HADHB: variants seen among roughly 807,000 people sequenced by gnomAD.
HADHB encodes trifunctional enzyme subunit beta, mitochondrial.
HADHB carries 50 observed loss-of-function variants against 61.9 expected under a neutral mutation model. The ratio of observed to expected loss-of-function variants is 0.81; its 90% confidence interval spans 0.64 to 1.02. HADHB has a LOEUF of 1.02. HADHB is among the 50% of genes least tolerant of loss of function. HADHB has a pLI of 0.00. For synonymous variants in HADHB, 191 were observed against 201.6 expected (o/e 0.95, Z 0.45); for missense variants, 504 against 586.5 (o/e 0.86, Z 1.45).
chr2:26,253,831 C>A (rs1671496279), intron 1 of HADHB, among the ~76,000 whole-genome samples: 2 of 147,784 alleles, frequency 1.4e-5, no homozygotes, highest in Non-Finnish European at 1.5e-5. Flanking sequence ...CCAGCCTGGG[C>A]AACAAGAGCA....
rs754976923 is a variant in HADHB, at chr2:26,277,057, ACT to A, written c.355-13_355-12del. The A allele has an allele frequency of 1.5e-6, 2 of 1,301,808 alleles. No individual in the cohort carries two copies. The highest frequency in any genetic ancestry group is 2.2e-6 in the Non-Finnish European group (2 of 896,218). 80.6% of individuals were successfully genotyped at this position (1,301,808 alleles called of 1,614,324 possible). On this transcript the variant is annotated splice_polypyrimidine_tract_variant and intron_variant, in intron 6 of 15. Transcript: ENST00000317799. Reference sequence around the variant, plus strand: ...TTCCCTTATAGTGATCATTTCATTCACTCTATTTCCTAAAGGCTGCCCTTGGA... The same window carrying A: ...TTCCCTTATAGTGATCATTTCATTCACTATTTCCTAAAGGCTGCCCTTGGA...
chr2:26,249,962 T>TA (rs1296592573), intron 1 of HADHB, among the ~76,000 whole-genome samples: 1 of 152,166 alleles, frequency 6.6e-6, no homozygotes, highest in Non-Finnish European at 1.5e-5. Flanking sequence ...GAATGGATAT[T>TA]AGAGTACAAA....
chr2:26,278,619 G>C lies in HADHB; in HGVS notation c.448G>C (p.Gly150Arg). 6.2e-7 allele frequency: 1 copy of C among 1,613,628 alleles called. No homozygotes were observed. The highest frequency in any genetic ancestry group is 1.3e-5 in the African/African-American group (1 of 75,022). Residue 150 changes from glycine (G) to arginine (R), a missense_variant, in exon 8 of 16, where the codon GGC becomes CGC. Gly to Arg is a moderately radical substitution (Grantham distance 125). Coordinates refer to ENST00000317799, the MANE Select transcript of HADHB (RefSeq NM_000183.3). Reference sequence around the variant, plus strand: ...GTATAACCTGTGCCCTGTAGGTGTTGGCTTGATTGCTTCTGGCCAGTGTGA... The same window carrying C: ...GTATAACCTGTGCCCTGTAGGTGTTCGCTTGATTGCTTCTGGCCAGTGTGA... ...SANQAMTTGV[G>R]LIASGQCDVI...
intron 10 of HADHB, among the ~76,000 whole-genome samples, chr2:26,282,468 G>A (rs1187949680): frequency 2.0e-5 from 3 of 151,920 alleles, no homozygotes; most frequent in Admixed American, 6.6e-5. Flanking sequence ...CACCGCGTTA[G>A]CCAGGATGGT....
intron 2 of HADHB, 38 bp from the exon 3 acceptor site, chr2:26,254,391 TG>T: frequency 1.3e-6 from 2 of 1,527,540 alleles, no homozygotes; most frequent in Non-Finnish European, 1.8e-6. Flanking sequence ...AGATACTGAA[TG>T]GTATTGCTTT....
chr2:26,247,260 C>T (rs1252888386), intron 1 of HADHB, among the ~76,000 whole-genome samples: 1 of 152,172 alleles, frequency 6.6e-6, no homozygotes, highest in Non-Finnish European at 1.5e-5. Context: ...CCTGGAGTTT[C>T]CATGCTTTGA....
intron 5 of HADHB, among the ~76,000 whole-genome samples, chr2:26,272,644 C>T (rs1413327297): frequency 3.2e-4 from 48 of 150,308 alleles, no homozygotes; most frequent in Admixed American, 2.9e-3. Context: ...CCACTGTGCC[C>T]GGCTGATATG....
chr2:26,257,795 G>A (rs181770211), intron 3 of HADHB, among the ~76,000 whole-genome samples: 9 of 152,134 alleles, frequency 5.9e-5, no homozygotes, highest in South Asian at 2.1e-4. Flanking sequence ...TGAGGCAGGC[G>A]GATCACGAGG....
chr2:26,274,598 G>A (rs1198407006), intron 6 of HADHB, among the ~76,000 whole-genome samples: 1 of 152,160 alleles, frequency 6.6e-6, no homozygotes, highest in Non-Finnish European at 1.5e-5. Flanking sequence ...ACTGTGTGCT[G>A]TTGAGGGGCA....
Position 26,282,832 on chromosome 2 carries a change from G to A in HADHB, c.934-13G>A, listed in dbSNP as rs775764398. On this transcript the variant is annotated splice_polypyrimidine_tract_variant and intron_variant, in intron 10 of 15. Transcript: ENST00000317799. ...GCTGAAGAATTTTAACATTGTGCTG[G>A]TTAACATTTCAGACTGATGGTGCAT... 17 of 1,597,704 alleles carry A rather than the reference G, an allele frequency of 1.1e-5. No individual in the cohort carries two copies. The highest frequency in any genetic ancestry group is 1.4e-5 in the Non-Finnish European group (16 of 1,166,222).
intron 13 of HADHB, 21 bp from the exon 14 acceptor site, chr2:26,284,862 T>G (rs745974911): frequency 7.6e-7 from 1 of 1,314,572 alleles, no homozygotes; most frequent in Non-Finnish European, 1.1e-6. Flanking sequence ...GAGGTTCTTA[T>G]TCGATTATTT....
intron 1 of HADHB, among the ~76,000 whole-genome samples, chr2:26,248,871 A>G (rs1671270474): frequency 6.6e-6 from 1 of 152,124 alleles, no homozygotes; most frequent in Non-Finnish European, 1.5e-5. Context: ...AGCCTGGCCA[A>G]CATGGTGAAA....
chr2:26,257,160 G>A (rs35326441), intron 3 of HADHB, among the ~76,000 whole-genome samples: 25,621 of 138,394 alleles, frequency 0.19, 2,661 homozygotes, highest in Middle Eastern at 0.32. Flanking sequence ...TCGTGCTGTC[G>A]CCCAGGCTGG....
intron 12 of HADHB, among the ~76,000 whole-genome samples, chr2:26,283,418 G>A (rs1672884553): frequency 6.6e-6 from 1 of 152,078 alleles, no homozygotes; most frequent in South Asian, 2.1e-4. Flanking sequence ...CAGCTACTCG[G>A]GAGGTTTTGG....
intron 4 of HADHB, among the ~76,000 whole-genome samples, chr2:26,264,553 C>CAAAAA (rs34189488): frequency 1.8e-4 from 13 of 73,690 alleles, no homozygotes; most frequent in African/African-American, 2.8e-4. Context: ...GACTCCATCT[C>CAAAAA]AAAAAAAAAA....
At chr2:26,266,660 AC>A (rs1031276338) in intron 4 of HADHB, among the ~76,000 whole-genome samples, 12 of 151,776 alleles carry the variant, frequency 7.9e-5, no homozygotes, top group African/African-American at 2.9e-4. Flanking sequence ...CGGGCGGATC[AC>A]CTGAGGTCAG....
chr2:26,285,531 G>A lies in HADHB; in HGVS notation c.1349G>A (p.Gly450Asp), dbSNP rs935130427. 3 of 1,614,088 alleles carry A rather than the reference G, an allele frequency of 1.9e-6. No homozygotes were observed. The highest frequency in any genetic ancestry group is 2.7e-5 in the African/African-American group (2 of 75,018). Reference protein sequence around the residue: ...AAANRLRKEGGQYGLVAACAA... With the variant: ...AAANRLRKEGDQYGLVAACAA... ...GCCAACAGATTACGGAAAGAAGGAG[G>A]CCAGTATGGCTTAGTGGCTGCGTGT... Residue 450 changes from glycine to aspartate, a missense_variant, in exon 15 of 16, where the codon GGC becomes GAC. Transcript: ENST00000317799.
chr2:26,253,901 T>A (rs992570052), intron 1 of HADHB, among the ~76,000 whole-genome samples: 3 of 145,664 alleles, frequency 2.1e-5, no homozygotes, highest in Non-Finnish European at 3.1e-5. Context: ...AATAAATAAA[T>A]AAAAATTCCA....
Position 26,278,608 on chromosome 2 carries a change from C to CT in HADHB, c.443-5dup. On this transcript the variant is annotated splice_polypyrimidine_tract_variant and splice_region_variant and intron_variant, in intron 7 of 15. Coordinates refer to ENST00000317799, the MANE Select transcript of HADHB (RefSeq NM_000183.3). ...ATATTCATGAAGTATAACCTGTGCC[C>CT]TGTAGGTGTTGGCTTGATTGCTTCT... is the stretch of plus-strand genomic sequence containing the variant. 6.2e-7 allele frequency: 1 copy of CT among 1,611,552 alleles called. No individual in the cohort carries two copies. Among genetic ancestry groups the CT allele is most frequent in the Non-Finnish European group, 8.5e-7 (1 of 1,177,698 alleles).
Sources: allele counts gnomAD v4.1 joint callset (sites outside exome capture counted in the v4.1 genomes callset), GRCh38; gene constraint gnomAD v4.1.1; transcripts MANE v1.5; gene names NCBI Gene and HGNC (gene_info 2026-07-23, HGNC 2026-07-21).